RPS19: variants seen among roughly 807,000 people sequenced by gnomAD.
RPS19 encodes ribosomal protein S19, also known as small ribosomal subunit protein eS19.
In RPS19, 1 loss-of-function variant was observed where a neutral mutation model predicts 20.3. The observed-to-expected ratio is 0.05, with a 90% CI of 0.02 to 0.23. RPS19 has a LOEUF of 0.23. Ranked by LOEUF, RPS19 falls within the 10% of genes least tolerant of loss-of-function variation. The pLI is 1.00. For missense variants in RPS19, 111 were observed against 192.7 expected, an observed-to-expected ratio of 0.58 and a Z score of 2.51; for synonymous variants, 87 against 74.8, an observed-to-expected ratio of 1.16 and a Z score of -0.84.
At chr19:41,860,347 C>T (rs755267601) in intron 1 of RPS19, 58 bp downstream of exon 1, 19 of 156,222 alleles carry the variant, frequency 1.2e-4, no homozygotes, top group Non-Finnish European at 2.1e-4. Flanking sequence ...ACGCCGAAGC[C>T]TCAGAGCGCG....
intron 5 of RPS19, 149 bp from the exon 6 acceptor site, chr19:41,871,202 G>A: frequency 1.3e-6 from 1 of 769,862 alleles, no homozygotes; most frequent in Non-Finnish European, 2.4e-6. Context: ...TGAAATGGGG[G>A]AATACCCACA....
chr19:41,869,900 C>T, intron 5 of RPS19, 147 bp downstream of exon 5: 1 of 782,280 alleles, frequency 1.3e-6, no homozygotes, highest in East Asian at 2.7e-5. Context: ...TGCCCAGAGA[C>T]AGGAGAAAGG....
rs782545650 is a variant in RPS19 at position 41,869,146 on chromosome 19, C to G, written c.288C>G (p.Ser96=). Residue 96 remains serine (S), a synonymous_variant, in exon 4 of 6, where the codon TCC becomes TCG. Coordinates refer to ENST00000598742, the MANE Select transcript of RPS19 (RefSeq NM_001022.4). ...TGCCCAGCCACTTCAGCCGAGGCTC[C>G]AAGAGTGTGGCCCGCCGGGTCCTCC... ...GVMPSHFSRG[S]KSVARRVLQA... 1.9e-6 allele frequency: 3 copies of G among 1,613,828 alleles called. No homozygotes were observed. Among genetic ancestry groups the G allele is most frequent in the African/African-American group, 2.7e-5 (2 of 74,902 alleles).
chr19:41,865,948 TTAA>T (rs2074082398), intron 3 of RPS19, among the ~76,000 whole-genome samples: 1 of 54,754 alleles, frequency 1.8e-5, no homozygotes, highest in African/African-American at 6.9e-5. Flanking sequence ...GACTCCGTCT[TTAA>T]AAAAAAAAAA....
At position 41,861,158 on chromosome 19, in the gene RPS19, G is replaced by T; in HGVS notation, c.118G>T (p.Ala40Ser). 2 of 1,614,158 alleles carry T rather than the reference G, an allele frequency of 1.2e-6. No homozygotes were observed. Among genetic ancestry groups the T allele is most frequent in the Non-Finnish European group, 1.7e-6 (2 of 1,180,042 alleles). Residue 40 changes from alanine (A) to serine (S), a missense_variant, in exon 3 of 6, where the codon GCC (alanine) becomes TCC (serine). Ala to Ser is a moderately conservative substitution (Grantham distance 99). Coordinates refer to ENST00000598742, the MANE Select transcript of RPS19 (RefSeq NM_001022.4). ...VPEWVDTVKL[A>S]KHKELAPYDE... ...CGAATGGGTGGATACCGTCAAGCTG[G>T]CCAAGCACAAAGAGCTTGCTCCCTA...
rs1555842063 is a variant in RPS19, at chr19:41,871,648, G to A, written c.*271G>A. 1 of 476,248 alleles carries A rather than the reference G, an allele frequency of 2.1e-6. No homozygotes were observed. Among genetic ancestry groups the A allele is most frequent in the East Asian group, 4.1e-5 (1 of 24,228 alleles). 29.5% of individuals were successfully genotyped at this position (476,248 alleles called of 1,614,324 possible). A position where few individuals can be genotyped will look rare whatever the true frequency, so the allele number is the denominator to read the frequency against. On this transcript the variant is annotated 3_prime_UTR_variant, in exon 6 of 6. Transcript: ENST00000598742. ...AGGCGCTTCCTCCCTTCCCTTGGGTGAGGGGGCCCAGGGTGATTGGGTGGC... is the reference window on the plus strand; with the variant it reads ...AGGCGCTTCCTCCCTTCCCTTGGGTAAGGGGGCCCAGGGTGATTGGGTGGC...
chr19:41,869,815 C>T (rs1392126742), intron 5 of RPS19, 62 bp downstream of exon 5: 17 of 1,556,652 alleles, frequency 1.1e-5, no homozygotes, highest in Non-Finnish European at 1.5e-5. Context: ...TTTCCAAAGC[C>T]CATACTTTGT....
chr19:41,867,754 A>G (rs1009884545), intron 3 of RPS19, among the ~76,000 whole-genome samples: 8 of 151,910 alleles, frequency 5.3e-5, no homozygotes, highest in Non-Finnish European at 8.8e-5. Context: ...GCAGTGAGCT[A>G]TGATCACACC....
At chr19:41,861,322 C>T in intron 3 of RPS19, 110 bp downstream of exon 3, 1 of 798,730 alleles carries the variant, frequency 1.3e-6, no homozygotes, top group Non-Finnish European at 2.2e-6. Flanking sequence ...GGGAGAGAAA[C>T]CCTTGGTTGT....
intron 3 of RPS19, among the ~76,000 whole-genome samples, chr19:41,863,398 C>A (rs146544167): frequency 6.6e-6 from 1 of 152,124 alleles, no homozygotes; most frequent in Non-Finnish European, 1.5e-5. Flanking sequence ...GTGGTGCAGA[C>A]GGGCGAAGGG....
intron 5 of RPS19, among the ~76,000 whole-genome samples, chr19:41,870,640 A>G (rs1043484050): frequency 2.0e-5 from 3 of 152,084 alleles, no homozygotes. Context: ...TCACTGACTC[A>G]GGCCTCCTAG....
chr19:41,868,915 T>C, intron 3 of RPS19, 116 bp from the exon 4 acceptor site: 2 of 1,072,584 alleles, frequency 1.9e-6, no homozygotes, highest in Non-Finnish European at 1.4e-6. Flanking sequence ...GGTGTTAGTG[T>C]GTGTTTTCAG....
intron 1 of RPS19, 146 bp from the exon 2 acceptor site, chr19:41,860,629 G>A: frequency 3.9e-6 from 3 of 772,324 alleles, no homozygotes; most frequent in African/African-American, 1.7e-5. Context: ...CGCAGGAGCC[G>A]GAGCCCGGCG....
At chr19:41,865,811 T>TGGTGGCGGGCGC (rs1555840327) in intron 3 of RPS19, among the ~76,000 whole-genome samples, 1 of 145,004 alleles carries the variant, frequency 6.9e-6, no homozygotes, top group East Asian at 2.0e-4. Context: ...TAGCCGGGCG[T>TGGTGGCGGGCGC]GGTGGCGGGC....
chr19:41,863,867 A>G (rs1409427421), intron 3 of RPS19: 7 of 145,790 alleles, frequency 4.8e-5, no homozygotes, highest in Admixed American at 3.4e-4. Context: ...TTTTTTTTAA[A>G]CAGAGTTGCA....
intron 3 of RPS19, among the ~76,000 whole-genome samples, chr19:41,866,359 C>T (rs1399410390): frequency 6.6e-6 from 1 of 152,230 alleles, no homozygotes; most frequent in Non-Finnish European, 1.5e-5. Context: ...CCCCAGGGCA[C>T]AACCAGCTAC....
chr19:41,868,814 A>G (rs2074114730), intron 3 of RPS19, among the ~76,000 whole-genome samples: 1 of 149,978 alleles, frequency 6.7e-6, no homozygotes, highest in Non-Finnish European at 1.5e-5. Context: ...GGCCCTGGAG[A>G]TGGTGGGAGT....
chr19:41,869,775 G>T (rs782316260), intron 5 of RPS19, 22 bp downstream of exon 5: 10 of 1,613,082 alleles, frequency 6.2e-6, no homozygotes, highest in Non-Finnish European at 8.5e-6. Context: ...GTTTGGGGTG[G>T]GGCTGGGTCC....
intron 3 of RPS19, among the ~76,000 whole-genome samples, chr19:41,866,743 G>A (rs904783468): frequency 1.3e-5 from 2 of 152,076 alleles, no homozygotes; most frequent in Admixed American, 1.3e-4. Context: ...GGGGCCGGGT[G>A]CGGTGGCTCA....
Sources: allele counts gnomAD v4.1 joint callset (sites outside exome capture counted in the v4.1 genomes callset), GRCh38; gene constraint gnomAD v4.1.1; transcripts MANE v1.5; gene names NCBI Gene and HGNC (gene_info 2026-07-23, HGNC 2026-07-21).